GALM: variants seen among roughly 807,000 people sequenced by gnomAD.
GALM encodes the protein galactose mutarotase.
A neutral mutation model predicts 37.4 loss-of-function variants in GALM; 43 were observed. The observed-to-expected ratio is 1.15, with a 90% CI of 0.90 to 1.48. GALM has a LOEUF of 1.48. Among genes scored for constraint, GALM ranks in the 40% most tolerant of loss-of-function variants. GALM has a pLI of 0.00. For synonymous variants in GALM, 199 were observed against 170.6 expected (o/e 1.17, Z -1.30); for missense variants, 456 against 419.1 (o/e 1.09, Z -0.77).
intron 4 of GALM, chr2:38,698,573 AGC>A (rs1297505393): frequency 2.8e-6 from 1 of 362,390 alleles, no homozygotes; most frequent in African/African-American, 2.2e-5. Flanking sequence ...ATAGGATGGG[AGC>A]ACACTCTGTT....
chr2:38,698,120 T>G (rs1665848127), intron 4 of GALM, among the ~76,000 whole-genome samples: 1 of 152,052 alleles, frequency 6.6e-6, no homozygotes, highest in African/African-American at 2.4e-5. Context: ...ATTTTTGTAT[T>G]TTTAGTAGAG....
chr2:38,669,965 C>T (rs576048000), intron 1 of GALM, among the ~76,000 whole-genome samples: 54 of 150,586 alleles, frequency 3.6e-4, no homozygotes, highest in Admixed American at 1.1e-3. Context: ...TGGGTTCAAG[C>T]GATTCTCATG....
rs1168999329 is a variant in GALM at position 38,734,399 on chromosome 2, A to G, written c.*834A>G. 1 of 151,214 alleles carries G rather than the reference A, an allele frequency of 6.6e-6. No homozygotes were observed. The highest frequency in any genetic ancestry group is 1.5e-5 in the Non-Finnish European group (1 of 68,082). The allele number at this position is 151,214 out of a possible 1,614,324, so 9.4% of individuals were successfully genotyped here. A position where few individuals can be genotyped will look rare whatever the true frequency, so the allele number is the denominator to read the frequency against. On this transcript the variant is annotated 3_prime_UTR_variant, in exon 7 of 7. Transcript: ENST00000272252. ...ACTCGATCTCAAAAAAAAAAAAAAAAAAAAGGAAAAAAAAGCAGCTCTCTC... is the reference window on the plus strand; with the variant it reads ...ACTCGATCTCAAAAAAAAAAAAAAAGAAAAGGAAAAAAAAGCAGCTCTCTC...
rs189777198 is a variant in GALM at position 38,702,926 on chromosome 2, T to C, written c.634+13032T>C. ...TATATACACTTTATTTATATATATA[T>C]ACTTTTTATATATATATATATATAA... On this transcript the variant is annotated intron_variant, in intron 4 of 6. Coordinates refer to ENST00000272252, the MANE Select transcript of GALM (RefSeq NM_138801.3). 4.8e-3 allele frequency among the ~76,000 whole-genome samples: 628 copies of C among 129,596 alleles called. 7 individuals carry two copies. Among genetic ancestry groups the C allele is most frequent in the African/African-American group, 0.017 (595 of 34,968 alleles). 85.0% of individuals were successfully genotyped at this position (129,596 alleles called of 152,430 possible).
At chr2:38,704,260 G>A (rs1262333430) in intron 4 of GALM, among the ~76,000 whole-genome samples, 1 of 151,608 alleles carries the variant, frequency 6.6e-6, no homozygotes, top group South Asian at 2.1e-4. Flanking sequence ...GTGCAGTGGT[G>A]CAATTATAGC....
intron 3 of GALM, among the ~76,000 whole-genome samples, chr2:38,683,260 C>A (rs4670885): frequency 0.1 from 15,306 of 152,024 alleles, 886 homozygotes; most frequent in South Asian, 0.22. Flanking sequence ...CTTGGAGTGA[C>A]GGGTATTTCT....
intron 3 of GALM, chr2:38,682,230 C>A: frequency 2.2e-6 from 1 of 452,936 alleles, no homozygotes; most frequent in Non-Finnish European, 4.5e-6. Flanking sequence ...CTACCTCATT[C>A]CCTCCTAAAG....
At chr2:38,728,482 T>C (rs1279566479) in intron 4 of GALM, among the ~76,000 whole-genome samples, 1 of 151,586 alleles carries the variant, frequency 6.6e-6, no homozygotes, top group Non-Finnish European at 1.5e-5. Flanking sequence ...AGATCACCTG[T>C]CAGGAGTTCA....
intron 2 of GALM, chr2:38,679,934 G>A (rs1665354655): frequency 2.5e-6 from 1 of 406,310 alleles, no homozygotes; most frequent in Non-Finnish European, 4.8e-6. Flanking sequence ...TAATCTTGGA[G>A]CCTCTAGGAC....
chr2:38,723,034 G>A (rs1158157788), intron 4 of GALM, among the ~76,000 whole-genome samples: 1 of 152,178 alleles, frequency 6.6e-6, no homozygotes, highest in Non-Finnish European at 1.5e-5. Flanking sequence ...ATACACAGTT[G>A]CCTCTGGGTT....
intron 4 of GALM, among the ~76,000 whole-genome samples, chr2:38,725,877 A>G (rs1666475824): frequency 6.6e-6 from 1 of 151,894 alleles, no homozygotes; most frequent in South Asian, 2.1e-4. Flanking sequence ...ACGCCTGGCT[A>G]ATTTTTGTAT....
intron 6 of GALM, among the ~76,000 whole-genome samples, chr2:38,732,920 A>G (rs1370202095): frequency 8.6e-6 from 1 of 116,894 alleles, no homozygotes; most frequent in Admixed American, 8.1e-5. Flanking sequence ...CCCTGTCTTT[A>G]AAAAAAAAAA....
intron 4 of GALM, chr2:38,698,376 CAGA>C: frequency 7.7e-7 from 1 of 1,304,586 alleles, no homozygotes; most frequent in Non-Finnish European, 1.0e-6. Flanking sequence ...GTGGCACCAA[CAGA>C]AGGTTTCTGC....
chr2:38,706,055 G>C (rs1666030844), intron 4 of GALM, among the ~76,000 whole-genome samples: 1 of 151,720 alleles, frequency 6.6e-6, no homozygotes, highest in Non-Finnish European at 1.5e-5. Flanking sequence ...GCCCAAGCTG[G>C]AGTGCAGTGA....
chr2:38,670,411 G>A (rs1665062647), intron 1 of GALM, among the ~76,000 whole-genome samples: 1 of 152,156 alleles, frequency 6.6e-6, no homozygotes, highest in African/African-American at 2.4e-5. Flanking sequence ...TCAGAAGCAG[G>A]GATGAGGAAA....
chr2:38,711,408 A>G (rs1205792296), intron 4 of GALM, among the ~76,000 whole-genome samples: 4 of 151,568 alleles, frequency 2.6e-5, no homozygotes, highest in African/African-American at 9.7e-5. Context: ...TGATCCGCCC[A>G]CCTCGGCTTC....
At chr2:38,681,587 G>A in intron 3 of GALM, 101 bp downstream of exon 3, 3 of 975,912 alleles carry the variant, frequency 3.1e-6, no homozygotes, top group South Asian at 2.7e-5. Flanking sequence ...TGGCAGTGAG[G>A]TCACCCTCAT....
rs573898031 is a variant in GALM at position 38,673,824 on chromosome 2, A to AG, written c.191-2085dup. Among the ~76,000 whole-genome samples the AG allele has an allele frequency of 2.6e-3, 393 of 149,876 alleles. 4 individuals are homozygous for AG. Among genetic ancestry groups the AG allele is most frequent in the African/African-American group, 9.4e-3 (383 of 40,562 alleles). On this transcript the variant is annotated intron_variant, in intron 1 of 6. Coordinates refer to ENST00000272252, the MANE Select transcript of GALM (RefSeq NM_138801.3). ...GACTCCGTCTCAAAAAAAAAAAAAA[A>AG]GGGAACTCAAAAAAAAATAAAAAGG...
Position 38,731,837 on chromosome 2 carries a change from G to T in GALM, c.879G>T (p.Lys293Asn). 4.3e-6 allele frequency: 7 copies of T among 1,614,186 alleles called. No homozygotes were observed. The highest frequency in any genetic ancestry group is 5.9e-6 in the Non-Finnish European group (7 of 1,180,022). Residue 293 changes from lysine (K) to asparagine (N), a missense_variant, in exon 6 of 7, where the codon AAG becomes AAT. Transcript: ENST00000272252. ...GNFLDGTLKGKNGAVYPKHSG... is the reference protein window; with the variant it reads ...GNFLDGTLKGNNGAVYPKHSG... ...TCCTGGATGGCACATTAAAGGGCAA[G>T]AATGGAGCTGTCTATCCCAAGCACT...
Sources: gnomAD v4.1 joint callset for allele counts (sites outside exome capture counted in the v4.1 genomes callset) on GRCh38, gnomAD v4.1.1 for gene constraint, MANE v1.5 for transcripts, NCBI Gene and HGNC (gene_info 2026-07-23, HGNC 2026-07-21) for gene names.